TENM3: variants seen among roughly 807,000 people sequenced by gnomAD.
TENM3 encodes the protein teneurin transmembrane protein 3, also known as teneurin-3.
A neutral mutation model predicts 255.1 loss-of-function variants in TENM3; 63 were observed. The ratio of observed to expected loss-of-function variants is 0.25; its 90% CI spans 0.20 to 0.30. The LOEUF is 0.30. TENM3 is among the 10% of genes least tolerant of loss of function. The pLI, the probability that TENM3 is intolerant of heterozygous loss-of-function variation, is 1.00. For missense variants in TENM3, 2,929 were observed against 3,461.1 expected (o/e 0.85, Z 3.86); for synonymous variants, 1,306 against 1,322.3 (o/e 0.99, Z 0.27).
chr4:182,767,345 G>A (rs1763803133), intron 22 of TENM3, among the ~76,000 whole-genome samples: 1 of 152,170 alleles, frequency 6.6e-6, no homozygotes, highest in Non-Finnish European at 1.5e-5. Context: ...AGTGATTTAT[G>A]CCTACATGTT....
chr4:182,147,935 G>A (rs1481003829), intron 1 of TENM3, among the ~76,000 whole-genome samples: 3 of 152,010 alleles, frequency 2.0e-5, no homozygotes, highest in South Asian at 2.1e-4. Flanking sequence ...ATTATTTTAC[G>A]TAAGCTTCTT....
chr4:182,569,553 CAAAAAAAGAAAAAA>C (rs1003855327), intron 3 of TENM3, among the ~76,000 whole-genome samples: 7 of 117,212 alleles, frequency 6.0e-5, no homozygotes, highest in African/African-American at 2.8e-4. Flanking sequence ...GACTGTGTCT[CAAAAAAAGAAAAAA>C]AAAAAAAGAA....
At position 182,680,677 on chromosome 4, in the gene TENM3, A is replaced by T; in HGVS notation, c.1774A>T (p.Ile592Phe). The T allele has an allele frequency of 6.2e-7, 1 of 1,604,876 alleles. No individual in the cohort carries two copies. The highest frequency in any genetic ancestry group is 8.5e-7 in the Non-Finnish European group (1 of 1,176,612). ...CIDPQCGGRG[I>F]CIMGSCACNS... ...TGACCCACAGTGTGGGGGTCGTGGG[A>T]TTTGTATCATGGGCTCTTGTGCTTG... Residue 592 changes from isoleucine to phenylalanine, a missense_variant, in exon 10 of 28, where the codon ATT becomes TTT. This residue lies in a region of TENM3 where 1,608 missense variants were observed against 1,884.4 expected (regional missense o/e 0.85). Coordinates refer to ENST00000511685, the MANE Select transcript of TENM3 (RefSeq NM_001080477.4).
the TENM3 span, among the ~76,000 whole-genome samples, chr4:181,605,486 GA>G: frequency 5.8e-5 from 1 of 17,170 alleles, no homozygotes; most frequent in African/African-American, 3.3e-4. Flanking sequence ...AACAGAGAAA[GA>G]AAGAAAGAAA....
chr4:181,698,124 G>A, the TENM3 span, among the ~76,000 whole-genome samples: 1 of 150,970 alleles, frequency 6.6e-6, no homozygotes, highest in Non-Finnish European at 1.5e-5. Flanking sequence ...TGAGGCAGGA[G>A]AATTGCTTGA....
chr4:181,760,139 A>C, the TENM3 span, among the ~76,000 whole-genome samples: 1 of 152,162 alleles, frequency 6.6e-6, no homozygotes, highest in East Asian at 1.9e-4. Context: ...CAGACCATAT[A>C]CTCTGACCAT....
At chr4:182,303,970 G>C (rs923751567) in intron 1 of TENM3, among the ~76,000 whole-genome samples, 23 of 152,058 alleles carry the variant, frequency 1.5e-4, no homozygotes, top group African/African-American at 5.1e-4. Context: ...ATTTTTTCAA[G>C]ATAGAAATTT....
intron 3 of TENM3, among the ~76,000 whole-genome samples, chr4:182,441,652 C>T (rs1772497638): frequency 6.6e-6 from 1 of 152,166 alleles, no homozygotes; most frequent in Non-Finnish European, 1.5e-5. Flanking sequence ...CACGTGCCAC[C>T]ACGCCCAGCT....
chr4:181,464,727 G>T, the TENM3 span, among the ~76,000 whole-genome samples: 1 of 152,132 alleles, frequency 6.6e-6, no homozygotes, highest in East Asian at 1.9e-4. Context: ...AAGGCTGTTG[G>T]ATCACCTGAG....
the TENM3 span, among the ~76,000 whole-genome samples, chr4:181,662,099 G>A: frequency 2.0e-5 from 3 of 152,180 alleles, no homozygotes; most frequent in East Asian, 5.8e-4. Flanking sequence ...AGCAAAGAAT[G>A]GCACAGGATT....
the TENM3 span, among the ~76,000 whole-genome samples, chr4:181,516,806 A>G: frequency 6.6e-6 from 1 of 152,120 alleles, no homozygotes; most frequent in South Asian, 2.1e-4. Context: ...AATATTTATG[A>G]GCCTTTTACT....
chr4:182,297,947 C>T (rs1761598737), intron 1 of TENM3, among the ~76,000 whole-genome samples: 2 of 152,214 alleles, frequency 1.3e-5, no homozygotes, highest in Non-Finnish European at 2.9e-5. Flanking sequence ...GCCTGCGCTG[C>T]TCCCACACGA....
chr4:182,621,758 T>TTA (rs1750258830), intron 4 of TENM3, among the ~76,000 whole-genome samples: 3 of 59,824 alleles, frequency 5.0e-5, no homozygotes, highest in African/African-American at 1.8e-4. Flanking sequence ...TATTATAATA[T>TTA]ATAATAATTA....
intron 3 of TENM3, among the ~76,000 whole-genome samples, chr4:182,445,654 A>G (rs911824577): frequency 4.0e-5 from 6 of 151,860 alleles, no homozygotes; most frequent in African/African-American, 1.5e-4. Flanking sequence ...GGTTTGGTTC[A>G]TGCATTTTTA....
At chr4:181,769,422 A>G in the TENM3 span, among the ~76,000 whole-genome samples, 9 of 152,340 alleles carry the variant, frequency 5.9e-5, no homozygotes, top group South Asian at 6.2e-4. Context: ...TCACTGGGTA[A>G]GCCTCAGTGT....
At chr4:182,341,439 A>G (rs1764482120) in intron 2 of TENM3, among the ~76,000 whole-genome samples, 1 of 152,160 alleles carries the variant, frequency 6.6e-6, no homozygotes, top group African/African-American at 2.4e-5. Flanking sequence ...AAGTGGGATT[A>G]TACTATATAC....
At chr4:181,947,069 A>C in the TENM3 span, among the ~76,000 whole-genome samples, 1 of 152,216 alleles carries the variant, frequency 6.6e-6, no homozygotes, top group Admixed American at 6.5e-5. Context: ...GGGCTTCATA[A>C]TAACCATCCT....
At chr4:181,531,477 C>G in the TENM3 span, among the ~76,000 whole-genome samples, 1,187 of 152,238 alleles carry the variant, frequency 7.8e-3, 16 homozygotes, top group African/African-American at 0.027. Context: ...CTCTGGAAGG[C>G]AGGGTGATTA....
At chr4:181,966,956 C>CT in the TENM3 span, among the ~76,000 whole-genome samples, 4 of 152,034 alleles carry the variant, frequency 2.6e-5, no homozygotes, top group Non-Finnish European at 4.4e-5. Flanking sequence ...CTTCCTCCTT[C>CT]TTCTCTCCCT....
Sources: allele counts gnomAD v4.1 joint callset (sites outside exome capture counted in the v4.1 genomes callset), GRCh38; gene constraint gnomAD v4.1.1; regional missense constraint gnomAD v4.1.1; transcripts MANE v1.5; gene names NCBI Gene and HGNC (gene_info 2026-07-23, HGNC 2026-07-21).